ANTXR2: variants seen among roughly 807,000 people sequenced by gnomAD.
ANTXR2 encodes the protein anthrax toxin receptor 2.
In ANTXR2, 44 loss-of-function variants were observed where a neutral mutation model predicts 73.7. That is an observed-to-expected ratio of 0.60 (90% confidence interval 0.47 to 0.77). ANTXR2 has a LOEUF of 0.77. Ranked by LOEUF, ANTXR2 falls within the 30% of genes least tolerant of loss-of-function variation. ANTXR2 has a pLI of 0.00. For synonymous variants in ANTXR2, 217 were observed against 205.9 expected, an observed-to-expected ratio of 1.05 and a Z score of -0.46; for missense variants, 604 against 592.5, an observed-to-expected ratio of 1.02 and a Z score of -0.20.
intron 16 of ANTXR2, among the ~76,000 whole-genome samples, chr4:79,929,110 A>G (rs1414092916): frequency 6.6e-6 from 1 of 152,186 alleles, no homozygotes; most frequent in South Asian, 2.1e-4. Flanking sequence ...AGTTGGCCAT[A>G]ATACGGGTCT....
rs189764789 is a variant in ANTXR2 at position 79,908,478 on chromosome 4, T to C, written c.1429-1011A>G. Among the ~76,000 whole-genome samples, 478 of 152,250 alleles carry C rather than the reference T, an allele frequency of 3.1e-3. 5 individuals carry two copies. The highest frequency in any genetic ancestry group is 0.011 in the African/African-American group (443 of 41,552). On this transcript the variant is annotated intron_variant, in intron 16 of 16. Coordinates refer to ENST00000403729, the MANE Select transcript of ANTXR2 (RefSeq NM_058172.6). Reference sequence around the variant, plus strand: ...AATATAAAAGCAGAATTTTTTTCCATTTTTTCCAAAAATGACTGCTCAATA... The same window carrying C: ...AATATAAAAGCAGAATTTTTTTCCACTTTTTCCAAAAATGACTGCTCAATA...
At chr4:80,013,613 T>C (rs1355671060) in intron 11 of ANTXR2, among the ~76,000 whole-genome samples, 11 of 152,256 alleles carry the variant, frequency 7.2e-5, no homozygotes, top group Non-Finnish European at 2.9e-5. Context: ...ATTTCACCTG[T>C]TCACCATATG....
chr4:79,933,890 A>T (rs1211901407), intron 16 of ANTXR2, among the ~76,000 whole-genome samples: 1 of 150,962 alleles, frequency 6.6e-6, no homozygotes, highest in African/African-American at 2.4e-5. Flanking sequence ...GCCCAACACC[A>T]CGCCCGGCTA....
intron 12 of ANTXR2, among the ~76,000 whole-genome samples, chr4:80,005,790 C>G (rs1300528542): frequency 2.0e-5 from 3 of 152,102 alleles, no homozygotes; most frequent in Admixed American, 6.6e-5. Flanking sequence ...TTTGCCAGGA[C>G]TAGACTTTAG....
Position 80,072,697 on chromosome 4 carries a change from A to T in ANTXR2, c.-137T>A. The T allele has an allele frequency of 7.4e-7, 1 of 1,344,674 alleles. No homozygotes were observed. Among genetic ancestry groups the T allele is most frequent in the Non-Finnish European group, 9.5e-7 (1 of 1,052,926 alleles). The allele number at this position is 1,344,674 out of a possible 1,614,324, so 83.3% of individuals were successfully genotyped here. A position where few individuals can be genotyped will look rare whatever the true frequency, so the allele number is the denominator to read the frequency against. On this transcript the variant is annotated 5_prime_UTR_variant, in exon 1 of 17. Transcript: ENST00000403729. ...CAGCTGAGACGCCGGCGCCTGCGGC[A>T]GCGGGACCCACCAGCTGACAGGGAG...
intron 16 of ANTXR2, among the ~76,000 whole-genome samples, chr4:79,928,783 A>G (rs1727934931): frequency 6.6e-6 from 1 of 152,182 alleles, no homozygotes; most frequent in South Asian, 2.1e-4. Context: ...TATAATTATC[A>G]TGTGGTCAAT....
At chr4:80,021,273 TTA>T (rs567164508) in intron 10 of ANTXR2, among the ~76,000 whole-genome samples, 118 of 152,096 alleles carry the variant, frequency 7.8e-4, no homozygotes, top group Non-Finnish European at 1.4e-3. Flanking sequence ...AAGTGGCGTA[TTA>T]AGAAAGAAAA....
chr4:79,925,246 T>G (rs550712070), intron 16 of ANTXR2, among the ~76,000 whole-genome samples: 1 of 151,494 alleles, frequency 6.6e-6, no homozygotes, highest in South Asian at 2.1e-4. Context: ...TTTGGTGCTA[T>G]TAAAAGTCGT....
At chr4:80,059,426 A>G (rs1578193040) in intron 3 of ANTXR2, among the ~76,000 whole-genome samples, 1 of 151,878 alleles carries the variant, frequency 6.6e-6, no homozygotes, top group Admixed American at 6.6e-5. Flanking sequence ...TGGCACAATC[A>G]TAGCTCACTG....
Position 79,986,911 on chromosome 4 carries a change from A to G in ANTXR2, c.1042-2048T>C, listed in dbSNP as rs369907218. Among the ~76,000 whole-genome samples, 5 of 152,246 alleles carry G rather than the reference A, an allele frequency of 3.3e-5. No homozygotes were observed. The South Asian group carries it at 8.3e-4, about 25-fold the overall frequency. On this transcript the variant is annotated intron_variant, in intron 12 of 16. Transcript: ENST00000403729. Reference sequence around the variant, plus strand: ...GAGGCTTGGCCTCCTGAAAGCATCCAGAAATGAAGTCAATCAACTAAACAC... The same window carrying G: ...GAGGCTTGGCCTCCTGAAAGCATCCGGAAATGAAGTCAATCAACTAAACAC...
At chr4:80,053,452 A>T (rs1227876186) in intron 7 of ANTXR2, among the ~76,000 whole-genome samples, 1 of 151,738 alleles carries the variant, frequency 6.6e-6, no homozygotes, top group Non-Finnish European at 1.5e-5. Flanking sequence ...TCTAAACAAC[A>T]TGATCTTTAA....
At chr4:79,931,876 C>G (rs1006254818) in intron 16 of ANTXR2, among the ~76,000 whole-genome samples, 5 of 152,204 alleles carry the variant, frequency 3.3e-5, no homozygotes, top group Non-Finnish European at 7.3e-5. Context: ...CTCAAGTATT[C>G]ATGTATATCT....
At chr4:79,971,724 A>G (rs1165468402) in intron 16 of ANTXR2, among the ~76,000 whole-genome samples, 120 of 43,802 alleles carry the variant, frequency 2.7e-3, no homozygotes, top group East Asian at 6.9e-3. Flanking sequence ...ATATGTAGAA[A>G]GCTGAAACTG....
At chr4:80,042,564 T>C (rs1041114652) in intron 7 of ANTXR2, among the ~76,000 whole-genome samples, 10 of 152,076 alleles carry the variant, frequency 6.6e-5, no homozygotes, top group African/African-American at 2.4e-4. Flanking sequence ...ATGCTCTCTA[T>C]ATAGGTTTCC....
chr4:80,025,907 A>G (rs563195245), intron 10 of ANTXR2, among the ~76,000 whole-genome samples: 2 of 152,354 alleles, frequency 1.3e-5, no homozygotes, highest in East Asian at 3.9e-4. Context: ...TCAGAGATTT[A>G]CTGGACATCA....
intron 7 of ANTXR2, among the ~76,000 whole-genome samples, chr4:80,042,093 T>C (rs1352224102): frequency 1.3e-5 from 2 of 152,102 alleles, no homozygotes; most frequent in Non-Finnish European, 2.9e-5. Flanking sequence ...CTTGTCTTAC[T>C]GTATTAATGC....
At chr4:80,068,666 G>A (rs1453305631) in intron 3 of ANTXR2, among the ~76,000 whole-genome samples, 2 of 152,148 alleles carry the variant, frequency 1.3e-5, no homozygotes, top group African/African-American at 2.4e-5. Flanking sequence ...CAGCTACTCG[G>A]GAGGCTGAAG....
intron 16 of ANTXR2, among the ~76,000 whole-genome samples, chr4:79,951,302 G>T (rs946500769): frequency 6.6e-6 from 1 of 152,112 alleles, no homozygotes; most frequent in Non-Finnish European, 1.5e-5. Flanking sequence ...GGACTCTGCT[G>T]GGCGTGGTGG....
intron 16 of ANTXR2, among the ~76,000 whole-genome samples, chr4:79,950,975 C>G (rs561718315): frequency 6.6e-6 from 1 of 152,212 alleles, no homozygotes; most frequent in East Asian, 1.9e-4. Flanking sequence ...TGGAGTGCTA[C>G]TGTCTCATGG....
Sources: allele counts gnomAD v4.1 joint callset (sites outside exome capture counted in the v4.1 genomes callset), GRCh38; gene constraint gnomAD v4.1.1; transcripts MANE v1.5; gene names NCBI Gene and HGNC (gene_info 2026-07-23, HGNC 2026-07-21).